MAST2: variants seen among roughly 807,000 people sequenced by gnomAD.
MAST2 encodes microtubule-associated serine/threonine-protein kinase 2.
Under a neutral mutation model 147.4 loss-of-function variants are expected in MAST2, and 70 were observed. The ratio of observed to expected loss-of-function variants is 0.47; its 90% CI spans 0.39 to 0.58. The LOEUF is 0.58. MAST2 is among the 20% of genes least tolerant of loss of function. The probability of loss-of-function intolerance (pLI) is 0.00; values close to 1 mark genes in which losing one functional copy is unlikely to be tolerated. For missense variants in MAST2, 2,080 were observed against 2,302.3 expected (o/e 0.90, Z 1.98); for synonymous variants, 869 against 896.8 (o/e 0.97, Z 0.55).
intron 5 of MAST2, among the ~76,000 whole-genome samples, chr1:45,966,431 A>AC (rs1661208704): frequency 2.0e-5 from 3 of 152,106 alleles, no homozygotes; most frequent in Admixed American, 1.3e-4. Flanking sequence ...GTAAAAAAAA[A>AC]AAAAAAAAAA....
chr1:45,892,969 C>T (rs1050030294), intron 4 of MAST2, among the ~76,000 whole-genome samples: 2 of 152,082 alleles, frequency 1.3e-5, no homozygotes, highest in African/African-American at 4.8e-5. Context: ...TTATGTATAA[C>T]TTATAATATT....
At chr1:45,940,001 T>TTTTTTTTTG (rs71062727) in intron 4 of MAST2, among the ~76,000 whole-genome samples, 2 of 130,420 alleles carry the variant, frequency 1.5e-5, no homozygotes, top group Non-Finnish European at 1.7e-5. Context: ...TTTTTTTTTT[T>TTTTTTTTTG]GAGATGGAGT....
In MAST2 at chr1:46,023,380, T is replaced by C. The variant is rs1646270324; in HGVS notation, c.1571+62T>C. The C allele has an allele frequency of 9.6e-6, 14 of 1,460,854 alleles. No homozygotes were observed. Among genetic ancestry groups the C allele is most frequent in the Non-Finnish European group, 1.3e-5 (14 of 1,041,910 alleles). 90.5% of individuals were successfully genotyped at this position (1,460,854 alleles called of 1,614,324 possible). ...CCGGGTCAGCCTTTGATCTCTTCCA[T>C]GTGAGAGTGTATGCTGCCCAGTCCT... On this transcript the variant is annotated intron_variant, in intron 14 of 28. Transcript: ENST00000361297. This position sits in a 1 kb window ranked among gnomAD's most constrained non-coding sequence, Gnocchi z 4.9.
intron 6 of MAST2, among the ~76,000 whole-genome samples, chr1:46,002,396 A>T (rs1301054393): frequency 6.6e-6 from 1 of 152,208 alleles, no homozygotes; most frequent in Non-Finnish European, 1.5e-5. Context: ...GGGAAGACCA[A>T]AGAGCCCTTA....
intron 2 of MAST2, among the ~76,000 whole-genome samples, chr1:45,825,329 A>G (rs969923934): frequency 3.3e-5 from 5 of 150,976 alleles, no homozygotes; most frequent in Admixed American, 2.6e-4. Flanking sequence ...CCAGCCTCTT[A>G]TATTTAAATT....
intron 4 of MAST2, chr1:45,913,896 C>A (rs1035400313): frequency 3.3e-6 from 4 of 1,225,492 alleles, no homozygotes; most frequent in Non-Finnish European, 4.2e-6. Context: ...AGGTTGGGGT[C>A]TCTATGGAAA....
chr1:45,930,225 C>T (rs968063782), intron 4 of MAST2, among the ~76,000 whole-genome samples: 1 of 151,980 alleles, frequency 6.6e-6, no homozygotes, highest in African/African-American at 2.4e-5. Context: ...TTACAGGCAC[C>T]CACCACCACG....
At chr1:46,030,075 C>A in intron 20 of MAST2, 54 bp from the exon 21 acceptor site, 1 of 1,606,852 alleles carries the variant, frequency 6.2e-7, no homozygotes, top group Non-Finnish European at 8.5e-7. Context: ...AATGGGGTCA[C>A]AAGGAGGCCA....
chr1:46,011,095 C>T (rs1645696743), intron 10 of MAST2, 156 bp downstream of exon 10: 1 of 639,058 alleles, frequency 1.6e-6, no homozygotes, highest in East Asian at 2.7e-5. Context: ...GATTCCTCCT[C>T]AGTCCCCTGC....
intron 4 of MAST2, among the ~76,000 whole-genome samples, chr1:45,952,696 G>A (rs1226471074): frequency 1.3e-5 from 2 of 152,082 alleles, no homozygotes; most frequent in African/African-American, 2.4e-5. Flanking sequence ...TGAGAAAAAA[G>A]TTACTCTGAA....
At chr1:45,935,632 C>A (rs1656079234) in intron 4 of MAST2, among the ~76,000 whole-genome samples, 1 of 152,190 alleles carries the variant, frequency 6.6e-6, no homozygotes, top group Admixed American at 6.5e-5. Flanking sequence ...ATCCCAGCAC[C>A]ATTTATTGAA....
chr1:46,015,360 C>A (rs1031008855), intron 10 of MAST2, among the ~76,000 whole-genome samples: 19 of 152,084 alleles, frequency 1.2e-4, no homozygotes, highest in Non-Finnish European at 2.6e-4. Flanking sequence ...CACAAAAAAC[C>A]CTTCAAAAAA....
At chr1:45,820,441 A>G (rs1217864806) in intron 1 of MAST2, among the ~76,000 whole-genome samples, 1 of 152,214 alleles carries the variant, frequency 6.6e-6, no homozygotes, top group Admixed American at 6.5e-5. Flanking sequence ...TACTAAATTT[A>G]TAACAGTCTA....
chr1:46,010,644 A>G, intron 9 of MAST2, 86 bp from the exon 10 acceptor site: 6 of 1,146,830 alleles, frequency 5.2e-6, no homozygotes, highest in Non-Finnish European at 7.6e-6. Context: ...GGAGCCCATT[A>G]TTTTGCTATT....
At chr1:45,955,096 G>A (rs751486089) in intron 4 of MAST2, among the ~76,000 whole-genome samples, 15 of 152,186 alleles carry the variant, frequency 9.9e-5, no homozygotes, top group Non-Finnish European at 1.5e-4. Flanking sequence ...ATTGAGGAGT[G>A]CAGCAGTACA....
intron 24 of MAST2, 50 bp from the exon 25 acceptor site, chr1:46,032,128 G>C: frequency 1.4e-6 from 2 of 1,418,924 alleles, no homozygotes; most frequent in Middle Eastern, 1.8e-4. Context: ...TGGACCAGGG[G>C]CCAGGCCAAA....
At chr1:45,926,751 T>C (rs932819910) in intron 4 of MAST2, among the ~76,000 whole-genome samples, 4 of 152,278 alleles carry the variant, frequency 2.6e-5, no homozygotes, top group East Asian at 1.9e-4. Flanking sequence ...TTTGATTTTT[T>C]TTTTTTGTTT....
At chr1:46,007,607 A>T (rs1645540009) in intron 8 of MAST2, among the ~76,000 whole-genome samples, 1 of 152,232 alleles carries the variant, frequency 6.6e-6, no homozygotes, top group South Asian at 2.1e-4. Flanking sequence ...AACATCTGGG[A>T]TCATGTGTCA....
intron 4 of MAST2, among the ~76,000 whole-genome samples, chr1:45,930,317 G>A (rs973833538): frequency 2.0e-5 from 3 of 152,030 alleles, no homozygotes; most frequent in Admixed American, 2.0e-4. Flanking sequence ...CTGACCTCAT[G>A]ATCTACCCGC....
Sources: allele counts gnomAD v4.1 joint callset (sites outside exome capture counted in the v4.1 genomes callset), GRCh38; gene constraint gnomAD v4.1.1; non-coding constraint Gnocchi (gnomAD v3.1); transcripts MANE v1.5; gene names NCBI Gene and HGNC (gene_info 2026-07-23, HGNC 2026-07-21).